RIT2: variants seen among roughly 807,000 people sequenced by gnomAD.
RIT2 encodes the protein Ras like without CAAX 2, also known as GTP-binding protein Rit2.
A neutral mutation model predicts 23.7 loss-of-function variants in RIT2; 24 were observed. That is an observed-to-expected ratio of 1.01 (90% CI 0.73 to 1.43). The LOEUF is 1.43. Among genes scored for constraint, RIT2 ranks in the 40% most tolerant of loss-of-function variants. The probability of loss-of-function intolerance (pLI) is 0.00; values close to 1 mark genes in which losing one functional copy is unlikely to be tolerated. For missense variants in RIT2, 236 were observed against 266.9 expected (o/e 0.88, Z 0.81); for synonymous variants, 107 against 91.1 (o/e 1.17, Z -0.99).
chr18:42,795,470 G>A (rs1004760469), intron 4 of RIT2, among the ~76,000 whole-genome samples: 1 of 152,232 alleles, frequency 6.6e-6, no homozygotes, highest in Non-Finnish European at 1.5e-5. Context: ...GCCTTCCCGC[G>A]GGGCAGGGCT....
intron 3 of RIT2, among the ~76,000 whole-genome samples, chr18:42,961,869 G>C (rs1479527802): frequency 6.6e-6 from 1 of 152,196 alleles, no homozygotes; most frequent in East Asian, 1.9e-4. Context: ...TCTCAGAGGA[G>C]AGTGAGAGTA....
At position 43,101,973 on chromosome 18, in the gene RIT2, T is replaced by C. The variant is rs35919965; in HGVS notation, c.103+13444A>G. 2.9e-3 allele frequency among the ~76,000 whole-genome samples: 441 copies of C among 152,322 alleles called. 2 individuals carry two copies. The highest frequency in any genetic ancestry group is 4.1e-3 in the Non-Finnish European group (281 of 68,034). The stretch of plus-strand genomic sequence containing the variant: ...CTTTTAATCCTAGATAGTAAAGTTG[T>C]TTTCTGTATGTTTATTTGCTTTTCA... On this transcript the variant is annotated intron_variant, in intron 1 of 4. Transcript: ENST00000326695.
intron 3 of RIT2, among the ~76,000 whole-genome samples, chr18:42,964,733 T>G (rs931116504): frequency 6.6e-6 from 1 of 152,212 alleles, no homozygotes; most frequent in Non-Finnish European, 1.5e-5. Flanking sequence ...AGGGTGTGCA[T>G]CCTCAACTTT....
chr18:42,805,957 A>T (rs1418549510), intron 4 of RIT2, among the ~76,000 whole-genome samples: 1 of 152,020 alleles, frequency 6.6e-6, no homozygotes, highest in East Asian at 1.9e-4. Context: ...TGTTTTACGA[A>T]AAAAGCCACT....
intron 3 of RIT2, among the ~76,000 whole-genome samples, chr18:42,967,746 A>G (rs1237646591): frequency 1.3e-5 from 2 of 151,112 alleles, no homozygotes; most frequent in Non-Finnish European, 2.9e-5. Flanking sequence ...AATCCAAATC[A>G]TAATTCTTAA....
chr18:42,769,121 T>C (rs1913490465), intron 4 of RIT2, among the ~76,000 whole-genome samples: 1 of 152,152 alleles, frequency 6.6e-6, no homozygotes, highest in African/African-American at 2.4e-5. Flanking sequence ...AAGCTAAGAT[T>C]GTGAAGTGTT....
intron 4 of RIT2, among the ~76,000 whole-genome samples, chr18:42,893,414 C>A (rs1266621012): frequency 6.6e-6 from 1 of 152,116 alleles, no homozygotes; most frequent in Non-Finnish European, 1.5e-5. Flanking sequence ...CAGATGCCAC[C>A]TTCTTGCTGT....
At chr18:42,845,254 T>G (rs1906875763) in intron 4 of RIT2, among the ~76,000 whole-genome samples, 1 of 151,902 alleles carries the variant, frequency 6.6e-6, no homozygotes, top group South Asian at 2.1e-4. Flanking sequence ...TAGTAAAAAT[T>G]AAAGGCCAAA....
At chr18:42,882,243 A>C (rs1432090969) in intron 4 of RIT2, among the ~76,000 whole-genome samples, 2 of 152,220 alleles carry the variant, frequency 1.3e-5, no homozygotes, top group Non-Finnish European at 2.9e-5. Context: ...GTGCTGATTC[A>C]TTCCTTCCTC....
intron 3 of RIT2, among the ~76,000 whole-genome samples, chr18:42,945,265 T>C (rs1180375627): frequency 6.6e-6 from 1 of 152,142 alleles, no homozygotes; most frequent in East Asian, 1.9e-4. Context: ...AAACTGTTCA[T>C]TGATATTTAT....
intron 4 of RIT2, among the ~76,000 whole-genome samples, chr18:42,921,298 G>A (rs1163773987): frequency 6.6e-6 from 1 of 152,070 alleles, no homozygotes; most frequent in Non-Finnish European, 1.5e-5. Context: ...TGCAAAGATT[G>A]CAATTTGTGT....
At chr18:42,795,099 C>A (rs1466736316) in intron 4 of RIT2, among the ~76,000 whole-genome samples, 1 of 152,232 alleles carries the variant, frequency 6.6e-6, no homozygotes, top group Non-Finnish European at 1.5e-5. Flanking sequence ...GTCCTCACAG[C>A]CCTCGCTCGC....
intron 4 of RIT2, among the ~76,000 whole-genome samples, chr18:42,806,100 AATATATAT>A (rs58214096): frequency 0.039 from 5,457 of 139,994 alleles, 330 homozygotes; most frequent in African/African-American, 0.13. Context: ...TAATAAAATT[AATATATAT>A]ATATATATAT....
chr18:42,989,314 T>G (rs1910786055), intron 2 of RIT2, among the ~76,000 whole-genome samples: 1 of 152,180 alleles, frequency 6.6e-6, no homozygotes, highest in Non-Finnish European at 1.5e-5. Context: ...GGGCTGGGAC[T>G]GGGATTCTGT....
intron 1 of RIT2, among the ~76,000 whole-genome samples, chr18:43,084,537 A>G (rs1913236592): frequency 6.6e-6 from 1 of 152,216 alleles, no homozygotes; most frequent in Admixed American, 6.5e-5. Flanking sequence ...CACATACACC[A>G]TGGAAAACTA....
chr18:42,922,959 AC>A (rs1262365530), intron 4 of RIT2, among the ~76,000 whole-genome samples: 1 of 152,074 alleles, frequency 6.6e-6, no homozygotes, highest in Non-Finnish European at 1.5e-5. Context: ...ATGAAAAATT[AC>A]CCCCAAAACA....
intron 2 of RIT2, among the ~76,000 whole-genome samples, chr18:42,996,006 T>C (rs2144234895): frequency 6.6e-6 from 1 of 152,278 alleles, no homozygotes; most frequent in Non-Finnish European, 1.5e-5. Context: ...AAATAAATAA[T>C]CTTTGCTGGT....
At chr18:43,091,339 T>A (rs948987446) in intron 1 of RIT2, among the ~76,000 whole-genome samples, 1 of 152,076 alleles carries the variant, frequency 6.6e-6, no homozygotes, top group African/African-American at 2.4e-5. Context: ...GACAGAGACA[T>A]GCTTTATTTT....
At chr18:42,816,313 A>T (rs961826834) in intron 4 of RIT2, among the ~76,000 whole-genome samples, 1 of 152,180 alleles carries the variant, frequency 6.6e-6, no homozygotes, top group Non-Finnish European at 1.5e-5. Context: ...GCCAACTCTA[A>T]CACACCATGG....
Sources: gnomAD v4.1 joint callset for allele counts (sites outside exome capture counted in the v4.1 genomes callset) on GRCh38, gnomAD v4.1.1 for gene constraint, MANE v1.5 for transcripts, NCBI Gene and HGNC (gene_info 2026-07-23, HGNC 2026-07-21) for gene names.